Variants in CPNE4 observed in about 807,000 individuals in gnomAD.
CPNE4 encodes copine-4.
Under a neutral mutation model 67.9 loss-of-function variants are expected in CPNE4, and 25 were observed. That is an observed-to-expected ratio of 0.37 (90% CI 0.27 to 0.51). The LOEUF (loss-of-function observed/expected upper bound fraction) is 0.51. Among genes scored for constraint, CPNE4 ranks in the 20% least tolerant of loss-of-function variants. The pLI is 0.93. For synonymous variants in CPNE4, 242 were observed against 244.9 expected, an observed-to-expected ratio of 0.99 and a Z score of 0.11; for missense variants, 464 against 690.8, an observed-to-expected ratio of 0.67 and a Z score of 3.68.
At chr3:131,850,381 A>G (rs1301468582) in intron 2 of CPNE4, among the ~76,000 whole-genome samples, 1 of 152,070 alleles carries the variant, frequency 6.6e-6, no homozygotes, top group African/African-American at 2.4e-5. Context: ...TTGAATTCAA[A>G]TTTACTAGCT....
chr3:131,850,646 T>A (rs2086204566), intron 2 of CPNE4, among the ~76,000 whole-genome samples: 1 of 152,172 alleles, frequency 6.6e-6, no homozygotes, highest in Non-Finnish European at 1.5e-5. Flanking sequence ...CATCCTATTA[T>A]GTGCCAAGTA....
intron 2 of CPNE4, among the ~76,000 whole-genome samples, chr3:131,880,954 A>G (rs1016587594): frequency 6.6e-6 from 1 of 152,194 alleles, no homozygotes; most frequent in African/African-American, 2.4e-5. Flanking sequence ...CTAAGAAAAA[A>G]GTAGCCTCTG....
chr3:131,929,468 T>C (rs1012541470), intron 1 of CPNE4, among the ~76,000 whole-genome samples: 3 of 152,156 alleles, frequency 2.0e-5, no homozygotes, highest in African/African-American at 4.8e-5. Flanking sequence ...TAAAAATCTG[T>C]CTGCTTTGGG....
chr3:132,032,657 G>C (rs1036904012), intron 1 of CPNE4, among the ~76,000 whole-genome samples: 3 of 152,162 alleles, frequency 2.0e-5, no homozygotes, highest in Non-Finnish European at 2.9e-5. Flanking sequence ...CTCTCTACAT[G>C]TGAGAACTTT....
At chr3:131,624,098 C>G (rs907542987) in intron 7 of CPNE4, among the ~76,000 whole-genome samples, 3 of 152,110 alleles carry the variant, frequency 2.0e-5, no homozygotes, top group African/African-American at 7.2e-5. Flanking sequence ...CTATTGGTGT[C>G]TTTCTGAGTT....
chr3:131,673,795 G>T (rs964087470), intron 6 of CPNE4, among the ~76,000 whole-genome samples: 1 of 151,916 alleles, frequency 6.6e-6, no homozygotes, highest in African/African-American at 2.4e-5. Flanking sequence ...CAATTTGAAT[G>T]CCCTTTATTT....
At chr3:131,825,460 C>T (rs962140917) in intron 2 of CPNE4, among the ~76,000 whole-genome samples, 3 of 149,040 alleles carry the variant, frequency 2.0e-5, no homozygotes, top group African/African-American at 5.0e-5. Context: ...TGCCGCTGCA[C>T]ACTCCAGCCT....
At chr3:131,926,094 G>C (rs1439618814) in intron 1 of CPNE4, among the ~76,000 whole-genome samples, 1 of 152,130 alleles carries the variant, frequency 6.6e-6, no homozygotes, top group Non-Finnish European at 1.5e-5. Context: ...TAAGTAATAA[G>C]ATGGCCAACT....
intron 7 of CPNE4, among the ~76,000 whole-genome samples, chr3:131,642,597 A>G (rs1459024143): frequency 6.6e-6 from 1 of 152,110 alleles, no homozygotes; most frequent in Non-Finnish European, 1.5e-5. Flanking sequence ...CATAATCCCC[A>G]CATGTCATGG....
intron 2 of CPNE4, among the ~76,000 whole-genome samples, chr3:131,876,878 C>T (rs1179576411): frequency 6.6e-6 from 1 of 152,108 alleles, no homozygotes; most frequent in African/African-American, 2.4e-5. Context: ...TGCACCAGCA[C>T]CAGCACAGGG....
chr3:131,973,035 A>G (rs1330135163), intron 1 of CPNE4, among the ~76,000 whole-genome samples: 1 of 152,172 alleles, frequency 6.6e-6, no homozygotes, highest in East Asian at 1.9e-4. Context: ...CAATGTACAT[A>G]CACCCCTTAA....
intron 2 of CPNE4, among the ~76,000 whole-genome samples, chr3:131,738,891 G>A (rs1288337265): frequency 7.3e-6 from 1 of 136,698 alleles, no homozygotes; most frequent in African/African-American, 2.8e-5. Context: ...TTTTGCTCTC[G>A]TCGCCCAGGC....
chr3:131,996,517 G>A (rs2073297199), intron 1 of CPNE4, among the ~76,000 whole-genome samples: 1 of 151,512 alleles, frequency 6.6e-6, no homozygotes, highest in South Asian at 2.1e-4. Flanking sequence ...AGGGGAGAGA[G>A]AGTCCACGAT....
intron 2 of CPNE4, among the ~76,000 whole-genome samples, chr3:131,801,851 G>A (rs73222323): frequency 0.17 from 17,865 of 107,988 alleles, 1,202 homozygotes; most frequent in East Asian, 0.22. Context: ...CCTCCAAGCC[G>A]CGCTAGGATT....
chr3:131,828,172 AC>A (rs2085236760), intron 2 of CPNE4, among the ~76,000 whole-genome samples: 1 of 152,164 alleles, frequency 6.6e-6, no homozygotes, highest in African/African-American at 2.4e-5. Flanking sequence ...TATTCCCCTC[AC>A]TGCTCTTTTT....
intron 2 of CPNE4, among the ~76,000 whole-genome samples, chr3:131,826,396 C>T (rs956634579): frequency 6.6e-6 from 1 of 152,024 alleles, no homozygotes; most frequent in African/African-American, 2.4e-5. Flanking sequence ...TGGGGTCTCA[C>T]TATATTGCCC....
chr3:131,702,931 T>G (rs2107708265), intron 3 of CPNE4, among the ~76,000 whole-genome samples: 1 of 152,334 alleles, frequency 6.6e-6, no homozygotes, highest in South Asian at 2.1e-4. Context: ...AAGTGGTGTT[T>G]TACAGCCTCG....
chr3:131,549,391 TGTG>T (rs1160268283), intron 14 of CPNE4, among the ~76,000 whole-genome samples: 1 of 152,176 alleles, frequency 6.6e-6, no homozygotes, highest in Non-Finnish European at 1.5e-5. Flanking sequence ...CAGAAGTTAT[TGTG>T]GTAATATATT....
At chr3:131,578,038 T>TAC (rs926945767) in intron 9 of CPNE4, among the ~76,000 whole-genome samples, 12 of 151,918 alleles carry the variant, frequency 7.9e-5, no homozygotes, top group African/African-American at 1.2e-4. Flanking sequence ...GGTGTGTGTA[T>TAC]ACACACACAC....
Sources: gnomAD v4.1 joint callset for allele counts (sites outside exome capture counted in the v4.1 genomes callset) on GRCh38, gnomAD v4.1.1 for gene constraint, MANE v1.5 for transcripts, NCBI Gene and HGNC (gene_info 2026-07-23, HGNC 2026-07-21) for gene names.